The following ACIN1 variants were observed in gnomAD, a reference collection of about 807,000 sequenced individuals.
ACIN1 encodes apoptotic chromatin condensation inducer in the nucleus.
In ACIN1, 16 loss-of-function variants were observed where a neutral mutation model predicts 146.6. The ratio of observed to expected loss-of-function variants is 0.11; its 90% CI spans 0.07 to 0.17. The LOEUF (loss-of-function observed/expected upper bound fraction) is 0.17. ACIN1 is among the 10% of genes least tolerant of loss of function. The probability of loss-of-function intolerance (pLI) is 1.00; values close to 1 mark genes in which losing one functional copy is unlikely to be tolerated. For missense variants in ACIN1, 1,357 were observed against 1,609.3 expected (o/e 0.84, Z 2.68); for synonymous variants, 569 against 582.7 (o/e 0.98, Z 0.34).
rs552814780 is a variant in ACIN1 at position 23,084,171 on chromosome 14, T to C, written c.437-2335A>G. 1.4e-4 allele frequency among the ~76,000 whole-genome samples: 21 copies of C among 152,292 alleles called. No homozygotes were observed. In the South Asian group the frequency reaches 4.4e-3, roughly 32 times the overall value. On this transcript the variant is annotated intron_variant, in intron 4 of 18. Coordinates refer to ENST00000605057, the MANE Select transcript of ACIN1 (RefSeq NM_001386863.1). The stretch of plus-strand genomic sequence containing the variant: ...CACGTTGGCCAGGCTGGTCTCGAAC[T>C]CCTGACCTTGTCATCCTCCCCCTCC...
intron 8 of ACIN1, among the ~76,000 whole-genome samples, chr14:23,073,391 AT>A (rs1566743535): frequency 6.6e-6 from 1 of 152,278 alleles, no homozygotes; most frequent in African/African-American, 2.4e-5. Context: ...TGAAAAAAAA[AT>A]TTTTTGGCTG....
At chr14:23,066,045 G>A (rs945627503) in intron 9 of ACIN1, 37 bp from the exon 10 acceptor site, 24 of 1,589,570 alleles carry the variant, frequency 1.5e-5, no homozygotes, top group Non-Finnish European at 2.1e-5. Context: ...AAAAGAGAAA[G>A]AGAGACACCC....
chr14:23,070,283 A>C (rs191380948), intron 8 of ACIN1, among the ~76,000 whole-genome samples: 103 of 152,274 alleles, frequency 6.8e-4, no homozygotes, highest in Non-Finnish European at 1.2e-3. Context: ...ACCCTCTCTC[A>C]TTCAAAAGGA....
At chr14:23,071,660 T>C in intron 8 of ACIN1, 1 of 1,237,086 alleles carries the variant, frequency 8.1e-7, no homozygotes, top group Non-Finnish European at 1.1e-6. Context: ...AAGGTTCTTA[T>C]CCTTTGGCAG....
At chr14:23,071,374 G>A (rs1288985340) in intron 8 of ACIN1, 13 of 1,540,328 alleles carry the variant, frequency 8.4e-6, no homozygotes, top group Non-Finnish European at 9.6e-6. Context: ...TGGTGGTGGT[G>A]CGGGGAGGCT....
chr14:23,071,601 T>C, intron 8 of ACIN1: 4 of 1,520,278 alleles, frequency 2.6e-6, no homozygotes, highest in Non-Finnish European at 3.5e-6. Context: ...GGGGAGGGCC[T>C]TGCTGCAGCA....
intron 2 of ACIN1, among the ~76,000 whole-genome samples, chr14:23,092,623 A>G (rs1273172027): frequency 2.6e-5 from 4 of 152,224 alleles, no homozygotes; most frequent in Admixed American, 2.0e-4. Context: ...GCTTTAACAA[A>G]GACTTGGATT....
intron 13 of ACIN1, 45 bp downstream of exon 13, chr14:23,063,390 GA>G (rs775998131): frequency 3.3e-5 from 52 of 1,592,662 alleles, no homozygotes; most frequent in Non-Finnish European, 4.3e-5. Context: ...GGTGCTCTGA[GA>G]ATTCAGGGAG....
At chr14:23,082,437 A>ATTT (rs11378976) in intron 4 of ACIN1, among the ~76,000 whole-genome samples, 1,620 of 95,620 alleles carry the variant, frequency 0.017, 8 homozygotes, top group East Asian at 0.02. Flanking sequence ...AGAGCTCAAT[A>ATTT]TTTTTTTTTT....
intron 1 of ACIN1, chr14:23,094,698 G>A: frequency 3.0e-6 from 2 of 663,854 alleles, no homozygotes; most frequent in Non-Finnish European, 4.6e-6. Flanking sequence ...ATACAAACAA[G>A]GAGGGGGTGG....
chr14:23,084,510 TGAGGCAGAAGAATCGCTTGAACCTGG>T (rs2048035852), intron 4 of ACIN1, among the ~76,000 whole-genome samples: 2 of 151,398 alleles, frequency 1.3e-5, no homozygotes, highest in Non-Finnish European at 2.9e-5. Flanking sequence ...CTCAGGGGGC[TGAGGCAGAAGAATCGCTTGAACCTGG>T]GAGGCAGAGG....
At chr14:23,088,921 A>G (rs998155862) in intron 4 of ACIN1, among the ~76,000 whole-genome samples, 1 of 152,218 alleles carries the variant, frequency 6.6e-6, no homozygotes, top group African/African-American at 2.4e-5. Flanking sequence ...TGGATTAGGC[A>G]TGCTCAACCT....
At chr14:23,070,940 A>G (rs935912175) in intron 8 of ACIN1, among the ~76,000 whole-genome samples, 7 of 152,134 alleles carry the variant, frequency 4.6e-5, no homozygotes, top group African/African-American at 1.7e-4. Flanking sequence ...AAAAATATCT[A>G]TTTCCCATAC....
chr14:23,071,590 G>A (rs773452973), intron 8 of ACIN1: 13 of 1,536,948 alleles, frequency 8.5e-6, no homozygotes, highest in Non-Finnish European at 1.1e-5. Context: ...GTGTGCGGAT[G>A]GGGGAGGGCC....
chr14:23,060,905 G>T (rs1478193962), intron 18 of ACIN1, among the ~76,000 whole-genome samples, 179 bp downstream of exon 18: 6 of 152,198 alleles, frequency 3.9e-5, no homozygotes. Context: ...TTACCCTCCT[G>T]AGTCTGGTTT....
chr14:23,083,518 G>A (rs1294323969), intron 4 of ACIN1, among the ~76,000 whole-genome samples: 9 of 152,016 alleles, frequency 5.9e-5, no homozygotes, highest in East Asian at 1.9e-4. Context: ...GGATCACGAC[G>A]TCAGGAGATC....
Position 23,061,225 on chromosome 14 carries a change from C to T in ACIN1, c.3425-41G>A, listed in dbSNP as rs1376037514. The stretch of plus-strand genomic sequence containing the variant: ...GTGAACCAGATATGATGCATCTGAC[C>T]CTCTGTCCCATCCCATCTGGGTCCC... On this transcript the variant is annotated intron_variant, in intron 17 of 18. Transcript: ENST00000605057. 7 of 1,613,240 alleles carry T rather than the reference C, an allele frequency of 4.3e-6. No individual in the cohort carries two copies. In the African/African-American group the frequency reaches 6.7e-5, roughly 15 times the overall value.
intron 10 of ACIN1, among the ~76,000 whole-genome samples, chr14:23,065,096 GT>G (rs1393012030): frequency 6.6e-6 from 1 of 152,170 alleles, no homozygotes; most frequent in Non-Finnish European, 1.5e-5. Context: ...AGAACACTAT[GT>G]GATACTAACA....
Position 23,067,110 on chromosome 14 carries a change from C to T in ACIN1, c.2266-1102G>A, listed in dbSNP as rs1037758460. On this transcript the variant is annotated intron_variant, in intron 9 of 18. Coordinates refer to ENST00000605057, the MANE Select transcript of ACIN1 (RefSeq NM_001386863.1). The surrounding 1 kb of genome is among the most constrained non-coding windows in gnomAD (Gnocchi z 4.6). ...GCCTGACCCCTAGCTGGGCCGCTCT[C>T]GATGGGTAAGTTAGTGAGAAAAACA... 1.7e-4 allele frequency among the ~76,000 whole-genome samples: 25 copies of T among 149,938 alleles called. No individual in the cohort carries two copies. Among genetic ancestry groups the T allele is most frequent in the Admixed American group, 7.4e-4 (11 of 14,928 alleles).
Sources: gnomAD v4.1 joint callset for allele counts (sites outside exome capture counted in the v4.1 genomes callset) on GRCh38, gnomAD v4.1.1 for gene constraint, Gnocchi (gnomAD v3.1) non-coding constraint, MANE v1.5 for transcripts, NCBI Gene and HGNC (gene_info 2026-07-23, HGNC 2026-07-21) for gene names.